The following SBF2 variants were observed in gnomAD, a reference collection of about 807,000 sequenced individuals.
SBF2 encodes SET binding factor 2.
Under a neutral mutation model 225.2 loss-of-function variants are expected in SBF2, and 112 were observed. That is an observed-to-expected ratio of 0.50 (90% CI 0.43 to 0.58). SBF2 has a LOEUF of 0.58. Ranked by LOEUF, SBF2 falls within the 20% of genes least tolerant of loss-of-function variation. The pLI, the probability that SBF2 is intolerant of heterozygous loss-of-function variation, is 0.00. For synonymous variants in SBF2, 763 were observed against 773.3 expected, an observed-to-expected ratio of 0.99 and a Z score of 0.22; for missense variants, 1,996 against 2,206.2, an observed-to-expected ratio of 0.90 and a Z score of 1.91.
intron 1 of SBF2, among the ~76,000 whole-genome samples, chr11:10,283,626 TA>T (rs369809145): frequency 0.02 from 2,980 of 146,514 alleles, 95 homozygotes; most frequent in African/African-American, 0.062. Flanking sequence ...ACAGAAGAAA[TA>T]AAAAAAAGTA....
chr11:9,819,658 T>C (rs1353196869), intron 28 of SBF2, among the ~76,000 whole-genome samples: 1 of 152,142 alleles, frequency 6.6e-6, no homozygotes, highest in Non-Finnish European at 1.5e-5. Flanking sequence ...AATTAAGGAA[T>C]TTGGGGTGTG....
intron 16 of SBF2, among the ~76,000 whole-genome samples, chr11:9,928,556 A>G (rs1429233455): frequency 3.9e-5 from 6 of 152,242 alleles, no homozygotes; most frequent in Non-Finnish European, 8.8e-5. Context: ...TTAAAAAGTT[A>G]AAAGTACACA....
chr11:9,997,860 A>G (rs1947775504), intron 9 of SBF2, among the ~76,000 whole-genome samples: 2 of 152,228 alleles, frequency 1.3e-5, no homozygotes, highest in South Asian at 2.1e-4. Flanking sequence ...TGGCAAGACA[A>G]TATTACAGTG....
intron 1 of SBF2, among the ~76,000 whole-genome samples, chr11:10,250,982 T>A (rs912083483): frequency 6.6e-6 from 1 of 152,236 alleles, no homozygotes; most frequent in African/African-American, 2.4e-5. Context: ...TCAAGACTTC[T>A]ACTATCATTA....
intron 21 of SBF2, among the ~76,000 whole-genome samples, chr11:9,850,580 A>G (rs1399829804): frequency 6.6e-6 from 1 of 152,170 alleles, no homozygotes; most frequent in Non-Finnish European, 1.5e-5. Context: ...ACTTTTGTGG[A>G]GTTTCTAATA....
chr11:10,156,513 T>C (rs1955483772), intron 2 of SBF2, among the ~76,000 whole-genome samples: 1 of 152,154 alleles, frequency 6.6e-6, no homozygotes, highest in African/African-American at 2.4e-5. Flanking sequence ...TGGGTGAAGT[T>C]GGCACGTCAG....
At chr11:10,254,240 A>T (rs1960641983) in intron 1 of SBF2, among the ~76,000 whole-genome samples, 1 of 152,104 alleles carries the variant, frequency 6.6e-6, no homozygotes, top group Non-Finnish European at 1.5e-5. Context: ...ACAATATTTT[A>T]AAAATTAGCT....
At chr11:9,915,875 C>T (rs1460474403) in intron 16 of SBF2, among the ~76,000 whole-genome samples, 1 of 152,110 alleles carries the variant, frequency 6.6e-6, no homozygotes, top group Non-Finnish European at 1.5e-5. Flanking sequence ...ACCAGCCTGA[C>T]CAATATGGTG....
At chr11:10,173,711 C>A (rs865803096) in intron 2 of SBF2, among the ~76,000 whole-genome samples, 6 of 151,780 alleles carry the variant, frequency 4.0e-5, no homozygotes, top group Middle Eastern at 3.4e-3. Context: ...GGGGGCAGGG[C>A]ACAGACAAAC....
chr11:9,850,289 T>C (rs1856830894), intron 21 of SBF2, 71 bp from the exon 22 acceptor site: 41 of 1,423,928 alleles, frequency 2.9e-5, no homozygotes, highest in Non-Finnish European at 4.0e-5. Context: ...AGGGTCTTGC[T>C]CTGTTGCCCA....
At chr11:10,076,250 G>C (rs960006914) in intron 2 of SBF2, among the ~76,000 whole-genome samples, 1 of 152,198 alleles carries the variant, frequency 6.6e-6, no homozygotes, top group African/African-American at 2.4e-5. Flanking sequence ...CAGGGAGACT[G>C]TAAGAAGGAA....
Position 9,789,229 on chromosome 11 carries a change from G to A in SBF2, c.4812C>T (p.Phe1604=), listed in dbSNP as rs1346745936. The A allele has an allele frequency of 6.2e-7, 1 of 1,614,176 alleles. No homozygotes were observed. Among genetic ancestry groups the A allele is most frequent in the African/African-American group, 1.3e-5 (1 of 75,048 alleles). The change falls in exon 35 of 40, where the codon TTC becomes TTT. Residue 1604 remains phenylalanine (F), a synonymous_variant. Transcript: ENST00000256190. ...YDWMMLTPKH[F]PSEDSDLAGE... is the part of the protein sequence containing the mutation. Reference sequence around the variant, plus strand: ...CAGCCAGGTCAGAGTCTTCGGAGGGGAAGTGCTTGGGGGTTAGCATCATCC... The same window carrying A: ...CAGCCAGGTCAGAGTCTTCGGAGGGAAAGTGCTTGGGGGTTAGCATCATCC...
chr11:10,154,071 A>C (rs1955352543), intron 2 of SBF2, among the ~76,000 whole-genome samples: 1 of 152,076 alleles, frequency 6.6e-6, no homozygotes, highest in African/African-American at 2.4e-5. Flanking sequence ...AACTATTTTA[A>C]TCATTACAAT....
intron 2 of SBF2, among the ~76,000 whole-genome samples, chr11:10,119,461 A>T (rs1405409066): frequency 2.0e-5 from 3 of 152,202 alleles, no homozygotes; most frequent in Admixed American, 6.5e-5. Context: ...GTTTAAGTTA[A>T]ATAAATGTTC....
chr11:10,168,393 TTAAC>T (rs1218222716), intron 2 of SBF2, among the ~76,000 whole-genome samples: 1 of 152,222 alleles, frequency 6.6e-6, no homozygotes, highest in African/African-American at 2.4e-5. Flanking sequence ...TTGGTGATCT[TTAAC>T]TAACTTATTA....
intron 6 of SBF2, among the ~76,000 whole-genome samples, chr11:10,016,018 C>T (rs1171521470): frequency 3.9e-5 from 6 of 152,028 alleles, no homozygotes; most frequent in Admixed American, 6.6e-5. Flanking sequence ...CTCAGGTGAT[C>T]GACCCGCCTC....
intron 16 of SBF2, chr11:9,957,952 C>T (rs1275507851): frequency 1.3e-5 from 2 of 151,824 alleles, no homozygotes; most frequent in East Asian, 3.9e-4. Context: ...CATTCTCCTC[C>T]CTGATCCCCA....
At chr11:9,955,176 A>C (rs913336205) in intron 16 of SBF2, among the ~76,000 whole-genome samples, 2 of 152,016 alleles carry the variant, frequency 1.3e-5, no homozygotes, top group East Asian at 1.9e-4. Context: ...TGTATGTTTC[A>C]AGCAGAGAAG....
intron 2 of SBF2, among the ~76,000 whole-genome samples, chr11:10,062,730 A>G (rs1417050132): frequency 6.6e-6 from 1 of 152,178 alleles, no homozygotes; most frequent in Non-Finnish European, 1.5e-5. Context: ...ACCCTTATAC[A>G]CTGTTGGTGG....
Sources: gnomAD v4.1 joint callset for allele counts (sites outside exome capture counted in the v4.1 genomes callset) on GRCh38, gnomAD v4.1.1 for gene constraint, MANE v1.5 for transcripts, NCBI Gene and HGNC (gene_info 2026-07-23, HGNC 2026-07-21) for gene names.